Variants in SCAPER observed in about 807,000 individuals in gnomAD.
SCAPER encodes the protein S phase cyclin A-associated protein in the endoplasmic reticulum.
Under a neutral mutation model 182.2 loss-of-function variants are expected in SCAPER, and 98 were observed. The observed-to-expected ratio is 0.54, with a 90% CI of 0.46 to 0.64. The LOEUF (loss-of-function observed/expected upper bound fraction) is 0.64. Among genes scored for constraint, SCAPER ranks in the 30% least tolerant of loss-of-function variants. The pLI, the probability that SCAPER is intolerant of heterozygous loss-of-function variation, is 0.00. For missense variants in SCAPER, 1,432 were observed against 1,690.0 expected (o/e 0.85, Z 2.68); for synonymous variants, 605 against 564.6 (o/e 1.07, Z -1.01).
intron 23 of SCAPER, among the ~76,000 whole-genome samples, chr15:76,524,756 T>C (rs1351653143): frequency 6.9e-6 from 1 of 145,130 alleles, no homozygotes; most frequent in Non-Finnish European, 1.5e-5. Flanking sequence ...TAAGAGTGTA[T>C]GCATGAAATG....
At chr15:76,905,245 C>A in intron 1 of SCAPER, 54 bp downstream of exon 1, 1 of 188,844 alleles carries the variant, frequency 5.3e-6, no homozygotes, top group South Asian at 6.0e-5. Context: ...CGGCCCGCGC[C>A]CCAACCCGGA....
chr15:76,871,039 T>C (rs920467473), intron 2 of SCAPER, among the ~76,000 whole-genome samples: 1 of 152,098 alleles, frequency 6.6e-6, no homozygotes, highest in African/African-American at 2.4e-5. Context: ...AAATAATAAA[T>C]GCAAGTCAAG....
At position 76,892,056 on chromosome 15, in the gene SCAPER, T is replaced by C. The variant is rs565079534; in HGVS notation, c.-59-8180A>G. Among the ~76,000 whole-genome samples, 7 of 152,170 alleles carry C rather than the reference T, an allele frequency of 4.6e-5. No homozygotes were observed. In the South Asian group the frequency reaches 1.5e-3, roughly 32 times the overall value. On this transcript the variant is annotated intron_variant, in intron 1 of 31. Transcript: ENST00000563290. ...ACAACCATCTGATCTTTGACAAACC[T>C]GACAAAAACAAGAAATGGGGAAAGG...
chr15:76,571,890 T>C (rs2047455835), intron 23 of SCAPER, among the ~76,000 whole-genome samples: 3 of 152,174 alleles, frequency 2.0e-5, no homozygotes, highest in Non-Finnish European at 1.5e-5. Flanking sequence ...AGTATTACTC[T>C]ATGGAAGTCT....
intron 16 of SCAPER, among the ~76,000 whole-genome samples, chr15:76,729,295 TACACACACACACAC>T (rs57440824): frequency 6.9e-6 from 1 of 144,282 alleles, no homozygotes; most frequent in African/African-American, 2.5e-5. Flanking sequence ...TATATACACA[TACACACACACACAC>T]ACACACACAC....
chr15:76,710,612 G>A (rs1395133295), intron 17 of SCAPER, among the ~76,000 whole-genome samples: 2 of 151,944 alleles, frequency 1.3e-5, no homozygotes, highest in Non-Finnish European at 2.9e-5. Flanking sequence ...ACAAAACCTT[G>A]TTGTCAGAAA....
intron 23 of SCAPER, among the ~76,000 whole-genome samples, chr15:76,545,490 A>T (rs1379740280): frequency 6.6e-6 from 1 of 152,178 alleles, no homozygotes; most frequent in Non-Finnish European, 1.5e-5. Flanking sequence ...AGACGAGAAA[A>T]ATATATCATC....
chr15:76,421,218 C>G (rs528592168), intron 26 of SCAPER, among the ~76,000 whole-genome samples: 47 of 152,306 alleles, frequency 3.1e-4, no homozygotes, highest in Admixed American at 9.8e-4. Context: ...AATGGTTGAA[C>G]TAGTTTACAG....
In SCAPER at chr15:76,813,227, TAAAAAAAA is replaced by T. The variant is rs746891532; in HGVS notation, c.394-8602_394-8595del. Reference sequence around the variant, plus strand: ...CAGACAGAGTTCAATATCCTTTCACTAAAAAAAAAAAAAAAAAAAAAAAAAAAACAACT... The same window carrying T: ...CAGACAGAGTTCAATATCCTTTCACTAAAAAAAAAAAAAAAAAAAACAACT... On this transcript the variant is annotated intron_variant, in intron 5 of 31. Coordinates refer to ENST00000563290, the MANE Select transcript of SCAPER (RefSeq NM_020843.4). 1.2e-3 allele frequency among the ~76,000 whole-genome samples: 20 copies of T among 17,282 alleles called. No individual in the cohort carries two copies. In the East Asian group the frequency reaches 0.04, roughly 34 times the overall value. 11.3% of individuals were successfully genotyped at this position (17,282 alleles called of 152,430 possible).
intron 25 of SCAPER, among the ~76,000 whole-genome samples, chr15:76,444,489 T>A (rs2047853588): frequency 1.3e-5 from 2 of 152,178 alleles, no homozygotes; most frequent in Admixed American, 1.3e-4. Flanking sequence ...TTCCCATTTT[T>A]AAATAAAATT....
intron 6 of SCAPER, among the ~76,000 whole-genome samples, chr15:76,801,746 C>T (rs906468920): frequency 1.3e-5 from 2 of 151,900 alleles, no homozygotes; most frequent in African/African-American, 2.4e-5. Flanking sequence ...ATGGTGAAGC[C>T]CTATGTCTAC....
intron 26 of SCAPER, among the ~76,000 whole-genome samples, chr15:76,419,075 A>T (rs2045845530): frequency 6.6e-6 from 1 of 152,260 alleles, no homozygotes; most frequent in Admixed American, 6.5e-5. Flanking sequence ...GTCTGTGATT[A>T]TTCAAATTCC....
intron 1 of SCAPER, among the ~76,000 whole-genome samples, chr15:76,894,212 A>G (rs1237494754): frequency 1.3e-5 from 2 of 152,032 alleles, no homozygotes; most frequent in Admixed American, 6.6e-5. Context: ...AGATGGTGCC[A>G]CTGCACACCA....
At chr15:76,784,036 G>A (rs1320619772) in intron 8 of SCAPER, among the ~76,000 whole-genome samples, 2 of 152,164 alleles carry the variant, frequency 1.3e-5, no homozygotes, top group African/African-American at 4.8e-5. Flanking sequence ...TCTGGCCAGG[G>A]CAATCAGGCA....
chr15:76,803,943 G>A (rs1463483048), intron 6 of SCAPER, among the ~76,000 whole-genome samples: 1 of 152,140 alleles, frequency 6.6e-6, no homozygotes, highest in Non-Finnish European at 1.5e-5. Flanking sequence ...ACTCTGTGGT[G>A]ATTCCAAATG....
intron 23 of SCAPER, among the ~76,000 whole-genome samples, chr15:76,509,530 C>T (rs565185278): frequency 6.6e-6 from 1 of 152,254 alleles, no homozygotes; most frequent in South Asian, 2.1e-4. Flanking sequence ...AAAATTTTTA[C>T]TCCATTATAG....
intron 10 of SCAPER, among the ~76,000 whole-genome samples, chr15:76,770,449 A>G (rs1165102951): frequency 6.6e-6 from 1 of 152,172 alleles, no homozygotes; most frequent in Non-Finnish European, 1.5e-5. Flanking sequence ...TAAGGTGCTT[A>G]TCACCTTATC....
intron 23 of SCAPER, among the ~76,000 whole-genome samples, chr15:76,512,661 A>G (rs1247807746): frequency 6.6e-6 from 1 of 151,790 alleles, no homozygotes; most frequent in Admixed American, 6.6e-5. Context: ...TTAAAAAAAA[A>G]CCCTCCAAAA....
intron 21 of SCAPER, among the ~76,000 whole-genome samples, chr15:76,641,810 G>T (rs1420165530): frequency 1.3e-5 from 2 of 152,066 alleles, no homozygotes; most frequent in South Asian, 2.1e-4. Flanking sequence ...CAAGAAAGAA[G>T]GACAAGGAAA....
Sources: gnomAD v4.1 joint callset for allele counts (sites outside exome capture counted in the v4.1 genomes callset) on GRCh38, gnomAD v4.1.1 for gene constraint, MANE v1.5 for transcripts, NCBI Gene and HGNC (gene_info 2026-07-23, HGNC 2026-07-21) for gene names.